MDGA2: variants seen among roughly 807,000 people sequenced by gnomAD.
The protein encoded by MDGA2 is MAM domain containing glycosylphosphatidylinositol anchor 2.
A neutral mutation model predicts 117.8 loss-of-function variants in MDGA2; 40 were observed. The observed-to-expected ratio is 0.34, with a 90% CI of 0.26 to 0.44. The LOEUF is 0.44. MDGA2 is among the 20% of genes least tolerant of loss of function. MDGA2 has a pLI of 1.00. For synonymous variants in MDGA2, 452 were observed against 439.0 expected (o/e 1.03, Z -0.37); for missense variants, 1,123 against 1,250.6 (o/e 0.90, Z 1.54).
At chr14:47,191,560 TTTGA>T (rs1885113990) in intron 3 of MDGA2, among the ~76,000 whole-genome samples, 1 of 151,952 alleles carries the variant, frequency 6.6e-6, no homozygotes, top group Admixed American at 6.6e-5. Flanking sequence ...AACATCTTGA[TTTGA>T]TTAAGGTGTT....
At chr14:47,019,256 G>T (rs1433495446) in intron 8 of MDGA2, among the ~76,000 whole-genome samples, 1 of 152,140 alleles carries the variant, frequency 6.6e-6, no homozygotes, top group East Asian at 1.9e-4. Flanking sequence ...TGAGTATAAT[G>T]TAGGAAGAAT....
At chr14:47,001,297 A>C (rs537055256) in intron 8 of MDGA2, among the ~76,000 whole-genome samples, 6 of 152,132 alleles carry the variant, frequency 3.9e-5, no homozygotes, top group Non-Finnish European at 8.8e-5. Flanking sequence ...ATTTTACATA[A>C]GTGCTCTGTG....
At chr14:47,165,980 A>G (rs987327531) in intron 3 of MDGA2, among the ~76,000 whole-genome samples, 2 of 150,136 alleles carry the variant, frequency 1.3e-5, no homozygotes, top group Non-Finnish European at 3.0e-5. Context: ...ATATACACCT[A>G]TACACCCTTT....
chr14:47,576,504 CCA>C (rs1896117933), intron 1 of MDGA2, among the ~76,000 whole-genome samples: 1 of 152,030 alleles, frequency 6.6e-6, no homozygotes, highest in South Asian at 2.1e-4. Context: ...CCATATTTCC[CCA>C]GTGTTCAATC....
intron 3 of MDGA2, among the ~76,000 whole-genome samples, chr14:47,204,008 T>G (rs1182952101): frequency 6.6e-6 from 1 of 151,834 alleles, no homozygotes; most frequent in Non-Finnish European, 1.5e-5. Context: ...CATAATAATA[T>G]TTAGAAAAGT....
intron 1 of MDGA2, among the ~76,000 whole-genome samples, chr14:47,442,513 A>G (rs1000605777): frequency 3.3e-5 from 5 of 152,152 alleles, no homozygotes; most frequent in Non-Finnish European, 7.4e-5. Context: ...ACTGGAGATG[A>G]GGTCAGTAGT....
chr14:47,119,112 G>A (rs1488108455), intron 5 of MDGA2, among the ~76,000 whole-genome samples: 1 of 141,420 alleles, frequency 7.1e-6, no homozygotes, highest in Non-Finnish European at 1.5e-5. Context: ...GTGCAGTGGC[G>A]CAGTTTCGGC....
At position 47,051,802 on chromosome 14, in the gene MDGA2, C is replaced by A. The variant is rs558618519; in HGVS notation, c.1525+9447G>T. Among the ~76,000 whole-genome samples the A allele has an allele frequency of 2.0e-5, 3 of 151,978 alleles. No individual in the cohort carries two copies. The South Asian group carries it at 6.2e-4, about 32-fold the overall frequency. ...CCTGTGGATCCAATCATCATAAATA[C>A]TGCTATTTAATTTTCTTTTTGCCAA... On this transcript the variant is annotated intron_variant, in intron 7 of 16. Coordinates refer to ENST00000399232, the MANE Select transcript of MDGA2 (RefSeq NM_001113498.3).
At chr14:46,978,889 T>C (rs1000076783) in intron 8 of MDGA2, among the ~76,000 whole-genome samples, 1 of 152,192 alleles carries the variant, frequency 6.6e-6, no homozygotes, top group Non-Finnish European at 1.5e-5. Flanking sequence ...AATATATAGA[T>C]GAATTGACTG....
chr14:47,335,219 TTAAA>T (rs922462890), intron 1 of MDGA2, among the ~76,000 whole-genome samples: 11 of 145,948 alleles, frequency 7.5e-5, no homozygotes, highest in African/African-American at 2.8e-4. Flanking sequence ...CAGATACAAC[TTAAA>T]TAAAATGTAA....
intron 9 of MDGA2, among the ~76,000 whole-genome samples, chr14:46,948,584 G>T (rs185603935): frequency 6.6e-6 from 1 of 152,090 alleles, no homozygotes; most frequent in Non-Finnish European, 1.5e-5. Context: ...GGAGATGTGA[G>T]GAGAGGAAGA....
At chr14:47,424,932 C>G (rs529359690) in intron 1 of MDGA2, among the ~76,000 whole-genome samples, 1 of 151,938 alleles carries the variant, frequency 6.6e-6, no homozygotes, top group Non-Finnish European at 1.5e-5. Context: ...TGTGTTGGTA[C>G]GTTGCAGGAG....
intron 3 of MDGA2, among the ~76,000 whole-genome samples, chr14:47,207,467 G>A (rs985462944): frequency 4.6e-5 from 7 of 151,864 alleles, no homozygotes; most frequent in Non-Finnish European, 1.0e-4. Context: ...TCTGCTGGGA[G>A]GCCTTTTGCA....
intron 1 of MDGA2, among the ~76,000 whole-genome samples, chr14:47,376,709 G>A (rs1266739077): frequency 6.6e-6 from 1 of 152,022 alleles, no homozygotes; most frequent in Non-Finnish European, 1.5e-5. Context: ...TGCCTCATAG[G>A]TATCATGCCA....
intron 14 of MDGA2, among the ~76,000 whole-genome samples, chr14:46,872,693 T>C (rs1213968298): frequency 6.6e-6 from 1 of 152,020 alleles, no homozygotes; most frequent in Non-Finnish European, 1.5e-5. Context: ...GTTCAGGTTA[T>C]ATATCAGGCT....
At chr14:47,021,051 G>T (rs750067251) in intron 8 of MDGA2, among the ~76,000 whole-genome samples, 10 of 152,030 alleles carry the variant, frequency 6.6e-5, no homozygotes, top group African/African-American at 9.7e-5. Context: ...CAGATAAGCT[G>T]CAAAGAATAT....
chr14:47,443,775 G>C (rs2138553880), intron 1 of MDGA2, among the ~76,000 whole-genome samples: 1 of 152,228 alleles, frequency 6.6e-6, no homozygotes, highest in East Asian at 1.9e-4. Context: ...TATGACTAGG[G>C]ATGTCCCTAA....
chr14:47,423,010 T>C (rs1892611288), intron 1 of MDGA2, among the ~76,000 whole-genome samples: 2 of 152,200 alleles, frequency 1.3e-5, no homozygotes, highest in African/African-American at 4.8e-5. Flanking sequence ...CTACCCATAA[T>C]TAAATAACCA....
At chr14:47,352,618 T>C (rs925913106) in intron 1 of MDGA2, among the ~76,000 whole-genome samples, 2 of 152,202 alleles carry the variant, frequency 1.3e-5, no homozygotes, top group Non-Finnish European at 2.9e-5. Flanking sequence ...TGCAAGATTA[T>C]TGTGAGAAAA....
Sources: gnomAD v4.1 joint callset for allele counts (sites outside exome capture counted in the v4.1 genomes callset) on GRCh38, gnomAD v4.1.1 for gene constraint, MANE v1.5 for transcripts, NCBI Gene and HGNC (gene_info 2026-07-23, HGNC 2026-07-21) for gene names.